SGMS1: variants seen among roughly 807,000 people sequenced by gnomAD.
SGMS1 encodes phosphatidylcholine:ceramide cholinephosphotransferase 1.
Under a neutral mutation model 46.2 loss-of-function variants are expected in SGMS1, and 13 were observed. The ratio of observed to expected loss-of-function variants is 0.28; its 90% CI spans 0.18 to 0.45. SGMS1 has a LOEUF of 0.45. Ranked by LOEUF, SGMS1 falls within the 20% of genes least tolerant of loss-of-function variation. The pLI is 1.00. For synonymous variants in SGMS1, 203 were observed against 187.8 expected, an observed-to-expected ratio of 1.08 and a Z score of -0.66; for missense variants, 324 against 519.9, an observed-to-expected ratio of 0.62 and a Z score of 3.66.
chr10:50,435,775 A>C (rs1197728724), intron 5 of SGMS1, among the ~76,000 whole-genome samples: 5 of 152,048 alleles, frequency 3.3e-5, no homozygotes, highest in South Asian at 4.1e-4. Flanking sequence ...AACAAACAAA[A>C]AAATACAAGA....
At chr10:50,398,800 A>G (rs1054633046) in intron 6 of SGMS1, among the ~76,000 whole-genome samples, 4 of 152,046 alleles carry the variant, frequency 2.6e-5, no homozygotes, top group African/African-American at 9.7e-5. Flanking sequence ...TGGAAAAAAT[A>G]TATATATTAT....
intron 2 of SGMS1, among the ~76,000 whole-genome samples, chr10:50,537,668 CTTTT>C (rs1051739860): frequency 4.0e-5 from 5 of 126,516 alleles, no homozygotes; most frequent in African/African-American, 1.5e-4. Context: ...CATCCTGTTT[CTTTT>C]TGTGAAACCA....
At chr10:50,314,360 G>C (rs2133282657) in intron 8 of SGMS1, among the ~76,000 whole-genome samples, 1 of 152,232 alleles carries the variant, frequency 6.6e-6, no homozygotes, top group East Asian at 1.9e-4. Context: ...CCACGAAACA[G>C]ATATCTGCGG....
intron 3 of SGMS1, among the ~76,000 whole-genome samples, chr10:50,478,308 T>C (rs1159197612): frequency 6.6e-6 from 1 of 152,238 alleles, no homozygotes; most frequent in South Asian, 2.1e-4. Flanking sequence ...AAAATATTTT[T>C]GTCCCCAATA....
chr10:50,562,738 G>T (rs1299413231), intron 2 of SGMS1, among the ~76,000 whole-genome samples: 2 of 152,120 alleles, frequency 1.3e-5, no homozygotes, highest in Non-Finnish European at 2.9e-5. Context: ...TAGAGACGGG[G>T]TTTCACCATG....
chr10:50,577,458 G>A (rs1206594819), intron 2 of SGMS1, among the ~76,000 whole-genome samples: 1 of 152,080 alleles, frequency 6.6e-6, no homozygotes, highest in Non-Finnish European at 1.5e-5. Flanking sequence ...AACAACAAAA[G>A]GTCCCTTTCC....
rs746533009 is a variant in SGMS1 at position 50,343,775 on chromosome 10, C to G, written c.340G>C (p.Glu114Gln). ...TCTGGCATGGGGATCTTTATCATCTCTTTCCTATACCCATTTGGCATCCCG... is the reference window on the plus strand; with the variant it reads ...TCTGGCATGGGGATCTTTATCATCTGTTTCCTATACCCATTTGGCATCCCG... Reference protein sequence around the residue: ...PNGMPNGYRKEMIKIPMPELE... With the variant: ...PNGMPNGYRKQMIKIPMPELE... Residue 114 changes from glutamate to glutamine, a missense_variant, in exon 7 of 11, where the codon GAG (glutamate) becomes CAG (glutamine). Around this residue, in one of 2 missense-constraint regions of SGMS1, gnomAD observed 150 missense variants for 169.8 expected, o/e 0.88. Transcript: ENST00000361781. The G allele has an allele frequency of 6.2e-7, 1 of 1,614,160 alleles. No individual in the cohort carries two copies. The highest frequency in any genetic ancestry group is 1.1e-5 in the South Asian group (1 of 91,078).
At chr10:50,432,342 C>A (rs1166592774) in intron 6 of SGMS1, among the ~76,000 whole-genome samples, 1 of 152,140 alleles carries the variant, frequency 6.6e-6, no homozygotes, top group Non-Finnish European at 1.5e-5. Context: ...TACTGTTAAG[C>A]ATGCTCTTGA....
At chr10:50,595,512 C>T (rs549995107) in intron 1 of SGMS1, among the ~76,000 whole-genome samples, 19 of 152,262 alleles carry the variant, frequency 1.2e-4, no homozygotes, top group South Asian at 8.3e-4. Context: ...ACATCTCTAC[C>T]GGGTATGTAT....
intron 2 of SGMS1, among the ~76,000 whole-genome samples, chr10:50,559,909 G>A (rs898883825): frequency 2.6e-5 from 4 of 151,974 alleles, no homozygotes; most frequent in Non-Finnish European, 5.9e-5. Flanking sequence ...TTATACACAG[G>A]AAAAGAAAGT....
chr10:50,348,407 T>A (rs1444635748), intron 6 of SGMS1, among the ~76,000 whole-genome samples: 2 of 152,116 alleles, frequency 1.3e-5, no homozygotes, highest in Non-Finnish European at 2.9e-5. Flanking sequence ...GATTGTATAT[T>A]TAGAAAACCC....
intron 8 of SGMS1, among the ~76,000 whole-genome samples, chr10:50,322,117 A>C (rs1043353869): frequency 6.6e-5 from 10 of 152,302 alleles, no homozygotes; most frequent in African/African-American, 2.4e-4. Flanking sequence ...CAGAGGCAAA[A>C]ATTAAAACAA....
intron 2 of SGMS1, among the ~76,000 whole-genome samples, chr10:50,522,657 A>C (rs1268141767): frequency 6.6e-6 from 1 of 151,906 alleles, no homozygotes; most frequent in South Asian, 2.1e-4. Context: ...AGTCTATTTC[A>C]CTTATGTCCT....
chr10:50,465,133 A>C lies in SGMS1; in HGVS notation c.-455+1757T>G, dbSNP rs148648656. 3.2e-3 allele frequency among the ~76,000 whole-genome samples: 491 copies of C among 152,322 alleles called. 4 individuals carry two copies. Among genetic ancestry groups the C allele is most frequent in the South Asian group, 5.6e-3 (27 of 4,820 alleles). ...AAACAAAGAATTCCATTTTGGAGAA[A>C]CTGAAAGGTCCAAGGAAAAAAATCT... On this transcript the variant is annotated intron_variant, in intron 4 of 10. Transcript: ENST00000361781.
chr10:50,623,965 T>C (rs927288859), upstream of SGMS1: 13 of 985,238 alleles, frequency 1.3e-5, no homozygotes, highest in Non-Finnish European at 1.6e-5. Flanking sequence ...CTGCCGAGCA[T>C]GCCCAGTCCG....
chr10:50,495,803 A>C (rs986453227), intron 3 of SGMS1, among the ~76,000 whole-genome samples: 5 of 151,936 alleles, frequency 3.3e-5, no homozygotes, highest in African/African-American at 1.2e-4. Context: ...TAGTATGCAT[A>C]TCATACACAG....
intron 2 of SGMS1, among the ~76,000 whole-genome samples, chr10:50,541,947 C>A (rs920561630): frequency 1.3e-5 from 2 of 152,148 alleles, no homozygotes; most frequent in African/African-American, 2.4e-5. Context: ...TTCCTGCCAA[C>A]AAGTTTTAAT....
intron 3 of SGMS1, among the ~76,000 whole-genome samples, chr10:50,507,017 C>T (rs763251179): frequency 2.6e-5 from 4 of 152,138 alleles, no homozygotes; most frequent in Non-Finnish European, 5.9e-5. Flanking sequence ...ATGCTGGTAC[C>T]GAATGGGAAA....
intron 6 of SGMS1, among the ~76,000 whole-genome samples, chr10:50,346,060 A>C (rs1014533657): frequency 6.6e-6 from 1 of 152,222 alleles, no homozygotes; most frequent in Non-Finnish European, 1.5e-5. Flanking sequence ...AGCTGATGAA[A>C]TGTGGCCTTT....
Sources: allele counts gnomAD v4.1 joint callset (sites outside exome capture counted in the v4.1 genomes callset), GRCh38; gene constraint gnomAD v4.1.1; regional missense constraint gnomAD v4.1.1; transcripts MANE v1.5; gene names NCBI Gene and HGNC (gene_info 2026-07-23, HGNC 2026-07-21).